The following PTPRF variants were observed in gnomAD, a reference collection of about 807,000 sequenced individuals.
PTPRF encodes the protein receptor-type tyrosine-protein phosphatase F.
Under a neutral mutation model 201.8 loss-of-function variants are expected in PTPRF, and 59 were observed. The observed-to-expected ratio is 0.29, with a 90% CI of 0.24 to 0.36. The LOEUF (loss-of-function observed/expected upper bound fraction) is 0.36. Ranked by LOEUF, PTPRF falls within the 10% of genes least tolerant of loss-of-function variation. The pLI, the probability that PTPRF is intolerant of heterozygous loss-of-function variation, is 1.00. For synonymous variants in PTPRF, 1,088 were observed against 1,089.7 expected (o/e 1.00, Z 0.03); for missense variants, 2,132 against 2,690.5 (o/e 0.79, Z 4.59).
chr1:43,586,147 T>C (rs1287008828), intron 7 of PTPRF, among the ~76,000 whole-genome samples: 1 of 152,144 alleles, frequency 6.6e-6, no homozygotes, highest in Non-Finnish European at 1.5e-5. Context: ...AATTGGCAGG[T>C]GATAGCATCT....
intron 6 of PTPRF, among the ~76,000 whole-genome samples, chr1:43,570,040 G>A (rs1646463938): frequency 6.6e-6 from 1 of 152,220 alleles, no homozygotes. Context: ...ATGTGCCAGT[G>A]TGGTGGACTC....
intron 31 of PTPRF, 103 bp downstream of exon 31, chr1:43,620,682 G>A: frequency 6.5e-7 from 1 of 1,547,280 alleles, no homozygotes; most frequent in Non-Finnish European, 8.8e-7. Context: ...ATCTGAGGCG[G>A]TGGGTGGGTA....
At chr1:43,605,496 G>A in intron 18 of PTPRF, 33 bp from the exon 19 acceptor site, 4 of 1,613,438 alleles carry the variant, frequency 2.5e-6, no homozygotes, top group South Asian at 1.1e-5. Flanking sequence ...GTAACCAGCA[G>A]TGACAGTCCT....
At chr1:43,602,402 T>G (rs1213470473) in intron 14 of PTPRF, among the ~76,000 whole-genome samples, 1 of 152,234 alleles carries the variant, frequency 6.6e-6, no homozygotes, top group Non-Finnish European at 1.5e-5. Context: ...TAGGCCTTAT[T>G]GATCCCTGGA....
At chr1:43,598,275 G>A (rs1019686244) in intron 12 of PTPRF, 1 of 510,572 alleles carries the variant, frequency 2.0e-6, no homozygotes, top group Non-Finnish European at 3.4e-6. Flanking sequence ...CACAGGCTAA[G>A]ATGGGAGAAG....
chr1:43,592,745 T>C lies in PTPRF; in HGVS notation c.1813+144T>C, dbSNP rs1651167871. The C allele has an allele frequency of 2.8e-6, 3 of 1,068,874 alleles. No individual in the cohort carries two copies. In the East Asian group the frequency reaches 9.0e-5, roughly 32 times the overall value. The allele number at this position is 1,068,874 out of a possible 1,614,324, so 66.2% of individuals were successfully genotyped here. A position where few individuals can be genotyped will look rare whatever the true frequency, so the allele number is the denominator to read the frequency against. On this transcript the variant is annotated intron_variant, in intron 11 of 33. Coordinates refer to ENST00000359947, the MANE Select transcript of PTPRF (RefSeq NM_002840.5). ...CGAACTCTGGCCTGGGCTCTGAGTC[T>C]GGGCCTCGGGAGAGGGCCAGGTAAG...
In PTPRF at chr1:43,605,211, G is replaced by A. The variant is rs1226243678; in HGVS notation, c.3157G>A (p.Val1053Met). The A allele has an allele frequency of 6.2e-7, 1 of 1,604,346 alleles. No individual in the cohort carries two copies. The highest frequency in any genetic ancestry group is 8.5e-7 in the Non-Finnish European group (1 of 1,172,542). ...PFKILYNGQS[V>M]EVDGHSMRKL... The stretch of plus-strand genomic sequence containing the variant: ...ACAGATTCTGTACAATGGGCAGAGT[G>A]TGGAGGTGGACGGGCACTCGATGCG... Residue 1053 changes from valine to methionine, a missense_variant, in exon 18 of 34, where the codon GTG (valine) becomes ATG (methionine). This residue lies in a region of PTPRF where 818 missense variants were observed against 915.3 expected (regional missense o/e 0.89). Transcript: ENST00000359947.
At chr1:43,551,514 G>C (rs1464107983) in intron 3 of PTPRF, among the ~76,000 whole-genome samples, 1 of 152,072 alleles carries the variant, frequency 6.6e-6, no homozygotes, top group East Asian at 1.9e-4. Flanking sequence ...CCCTGAGCTG[G>C]CTGCCCGAGC....
intron 6 of PTPRF, among the ~76,000 whole-genome samples, chr1:43,573,342 A>G (rs1307963708): frequency 6.6e-6 from 1 of 152,146 alleles, no homozygotes; most frequent in South Asian, 2.1e-4. Context: ...GCCTGAACAT[A>G]TGAGCTGCCA....
At chr1:43,592,717 A>G (rs1442618022) in intron 11 of PTPRF, 116 bp downstream of exon 11, 3 of 1,245,176 alleles carry the variant, frequency 2.4e-6, no homozygotes, top group South Asian at 1.8e-5. Flanking sequence ...CTGCTGGCCA[A>G]ACCGAACTCT....
At chr1:43,602,041 T>C (rs1653877109) in intron 13 of PTPRF, 30 bp from the exon 14 acceptor site, 1 of 1,607,584 alleles carries the variant, frequency 6.2e-7, no homozygotes, top group African/African-American at 1.3e-5. Flanking sequence ...CACCATCCTG[T>C]CTCCCTTTCT....
chr1:43,616,883 C>T (rs1011382441), intron 23 of PTPRF, among the ~76,000 whole-genome samples: 4 of 151,970 alleles, frequency 2.6e-5, no homozygotes, highest in African/African-American at 7.3e-5. Context: ...AGAAGAGGGC[C>T]TAGAAGGAAC....
chr1:43,609,835 C>T (rs541988372), intron 22 of PTPRF, among the ~76,000 whole-genome samples: 3 of 152,346 alleles, frequency 2.0e-5, no homozygotes, highest in African/African-American at 4.8e-5. Context: ...GTGTCTGGCG[C>T]ACGCTCTGAC....
Position 43,588,491 on chromosome 1 carries a change from A to G in PTPRF, c.680-240A>G, listed in dbSNP as rs559867601. Among the ~76,000 whole-genome samples, 4 of 152,258 alleles carry G rather than the reference A, an allele frequency of 2.6e-5. No homozygotes were observed. The highest frequency in any genetic ancestry group is 6.5e-5 in the Admixed American group (1 of 15,300). ...TATAAAATGGGAGCTTGGTTGCAAG[A>G]TCTCTCATTGAGTAAGTCATCGTGC... On this transcript the variant is annotated intron_variant, in intron 7 of 33. Coordinates refer to ENST00000359947, the MANE Select transcript of PTPRF (RefSeq NM_002840.5). The surrounding 1 kb of genome is among the most constrained non-coding windows in gnomAD (Gnocchi z 5.3).
Position 43,588,754 on chromosome 1 carries a change from T to C in PTPRF, c.703T>C (p.Ser235Pro). Residue 235 changes from serine (S) to proline (P), a missense_variant, in exon 8 of 34, where the codon TCC becomes CCC. Transcript: ENST00000359947. The surrounding 1 kb of genome is among the most constrained non-coding windows in gnomAD (Gnocchi z 5.3). ...VRVRRVAPRF[S>P]IPPSSQEVMP... ...AGTGCGCCGCGTGGCTCCTCGTTTC[T>C]CCATCCCTCCCAGCAGCCAGGAGGT... is the stretch of plus-strand genomic sequence containing the variant. 1 of 1,613,674 alleles carries C rather than the reference T, an allele frequency of 6.2e-7. No homozygotes were observed. Among genetic ancestry groups the C allele is most frequent in the Non-Finnish European group, 8.5e-7 (1 of 1,180,008 alleles).
intron 5 of PTPRF, among the ~76,000 whole-genome samples, chr1:43,562,433 T>C (rs1485839297): frequency 6.7e-6 from 1 of 148,538 alleles, no homozygotes; most frequent in Non-Finnish European, 1.5e-5. Flanking sequence ...TGAAACGGAG[T>C]CTCACTCTGC....
At chr1:43,573,977 C>CCTTT (rs1646748629) in intron 6 of PTPRF, among the ~76,000 whole-genome samples, 1 of 63,884 alleles carries the variant, frequency 1.6e-5, no homozygotes, top group African/African-American at 6.6e-5. Flanking sequence ...TGTGTGGGTT[C>CCTTT]TTTTTTTTTT....
intron 11 of PTPRF, among the ~76,000 whole-genome samples, chr1:43,596,868 T>C (rs1016258664): frequency 6.6e-6 from 1 of 152,172 alleles, no homozygotes. Flanking sequence ...AGAGATGCTG[T>C]GTCAGAACTC....
upstream of PTPRF, among the ~76,000 whole-genome samples, chr1:43,524,080 A>G (rs929808908): frequency 1.3e-5 from 2 of 150,548 alleles, no homozygotes; most frequent in Non-Finnish European, 3.0e-5. Context: ...AAAAAGGAAG[A>G]AAGAAAGAAA....
Sources: allele counts gnomAD v4.1 joint callset (sites outside exome capture counted in the v4.1 genomes callset), GRCh38; gene constraint gnomAD v4.1.1; regional missense constraint gnomAD v4.1.1; non-coding constraint Gnocchi (gnomAD v3.1); transcripts MANE v1.5; gene names NCBI Gene and HGNC (gene_info 2026-07-23, HGNC 2026-07-21).